The following BRIX1 variants were observed in gnomAD, a reference collection of about 807,000 sequenced individuals.
BRIX1 encodes biogenesis of ribosomes BRX1, also known as ribosome biogenesis protein BRX1 homolog.
BRIX1 carries 15 observed loss-of-function variants against 44.0 expected under a neutral mutation model. The ratio of observed to expected loss-of-function variants is 0.34; its 90% CI spans 0.23 to 0.53. The LOEUF is 0.53. BRIX1 is among the 20% of genes least tolerant of loss of function. The pLI is 0.95. For synonymous variants in BRIX1, 149 were observed against 135.4 expected (o/e 1.10, Z -0.70); for missense variants, 420 against 432.8 (o/e 0.97, Z 0.26).
chr5:34,920,779 C>A (rs1764221045), intron 3 of BRIX1: 1 of 151,656 alleles, frequency 6.6e-6, no homozygotes, highest in Admixed American at 6.6e-5. Flanking sequence ...AGAAGTGGCA[C>A]AAACTTCCTA....
At chr5:34,921,934 A>T in intron 3 of BRIX1, 1 of 164,418 alleles carries the variant, frequency 6.1e-6, no homozygotes. Context: ...AAAAGGAGGG[A>T]GGTTTCCAGT....
Position 34,925,023 on chromosome 5 carries a change from G to C in BRIX1, c.792+48G>C, listed in dbSNP as rs751418636. ...AGTCTTCAATGTACCAGAACCCTTT[G>C]GCCAAAATGATTCTGTGAAGTAATT... On this transcript the variant is annotated intron_variant, in intron 9 of 9. Transcript: ENST00000336767. The C allele has an allele frequency of 2.2e-5, 34 of 1,572,834 alleles. No homozygotes were observed. In the East Asian group the frequency reaches 7.2e-4, roughly 33 times the overall value.
Position 34,915,805 on chromosome 5 carries a change from G to A in BRIX1, c.67G>A (p.Glu23Lys), listed in dbSNP as rs1470289809. 1 of 1,586,574 alleles carries A rather than the reference G, an allele frequency of 6.3e-7. No homozygotes were observed. Among genetic ancestry groups the A allele is most frequent in the Non-Finnish European group, 8.6e-7 (1 of 1,166,632 alleles). ...AVQAKKPKRN[E>K]IDAEPPAKRH... The stretch of plus-strand genomic sequence containing the variant: ...TCAGGCGAAGAAGCCAAAAAGAAAC[G>A]AAATAGATGCGGAGCCGCCAGCTAA... The change falls in exon 1 of 10, where the codon GAA becomes AAA. Residue 23 changes from glutamate to lysine, a missense_variant. Physicochemically the swap from Glu to Lys is moderately conservative, Grantham distance 56. Transcript: ENST00000336767.
At chr5:34,923,709 T>C (rs1764291039) in intron 8 of BRIX1, among the ~76,000 whole-genome samples, 1 of 152,184 alleles carries the variant, frequency 6.6e-6, no homozygotes, top group Non-Finnish European at 1.5e-5. Flanking sequence ...GCCTGGTCAA[T>C]TTTTAGTTAA....
chr5:34,923,022 T>C lies in BRIX1; in HGVS notation c.532T>C (p.Tyr178His), dbSNP rs774998931. The part of the protein sequence containing the change: ...FDPAFDELPH[Y>H]ALLKELLIQI... ...ATAGGCTTTTGATGAATTACCACAT[T>C]ATGCTTTGTTAAAAGAACTCTTAAT... Residue 178 changes from tyrosine to histidine, a missense_variant, in exon 7 of 10, where the codon TAT becomes CAT. By Grantham distance (83) the Tyr-to-His change is moderately conservative. Coordinates refer to ENST00000336767, the MANE Select transcript of BRIX1 (RefSeq NM_018321.4). 9 of 1,540,496 alleles carry C rather than the reference T, an allele frequency of 5.8e-6. No homozygotes were observed. The highest frequency in any genetic ancestry group is 8.1e-6 in the Non-Finnish European group (9 of 1,114,280).
chr5:34,918,201 C>T, intron 1 of BRIX1, 163 bp from the exon 2 acceptor site: 1 of 443,916 alleles, frequency 2.3e-6, no homozygotes, highest in Non-Finnish European at 4.1e-6. Context: ...TCTCCAGCTA[C>T]TGTAGATGCT....
In BRIX1 at chr5:34,922,833, A is replaced by G. The variant is rs769910409; in HGVS notation, c.510+65A>G. 47 of 1,441,290 alleles carry G rather than the reference A, an allele frequency of 3.3e-5. No individual in the cohort carries two copies. In the African/African-American group the frequency reaches 5.9e-4, roughly 18 times the overall value. The allele number at this position is 1,441,290 out of a possible 1,614,324, so 89.3% of individuals were successfully genotyped here. A position where few individuals can be genotyped will look rare whatever the true frequency, so the allele number is the denominator to read the frequency against. ...TCTGGCATGGTTGTTTTTAGTAGAT[A>G]TAGTTGTGTTATTCAATTTAGTTTC... On this transcript the variant is annotated intron_variant, in intron 6 of 9. Transcript: ENST00000336767.
intron 1 of BRIX1, chr5:34,916,893 T>C (rs1764113167): frequency 6.6e-6 from 1 of 152,136 alleles, no homozygotes; most frequent in South Asian, 2.1e-4. Flanking sequence ...ATATTTACTT[T>C]TTATGAAAAA....
At chr5:34,919,813 T>G in intron 2 of BRIX1, 27 bp from the exon 3 acceptor site, 1 of 790,768 alleles carries the variant, frequency 1.3e-6, no homozygotes, top group Non-Finnish European at 2.0e-6. Flanking sequence ...TTAATTTACT[T>G]GCTTTTTCTT....
chr5:34,920,354 C>G (rs1421524599), intron 3 of BRIX1: 2 of 152,136 alleles, frequency 1.3e-5, no homozygotes, highest in Non-Finnish European at 2.9e-5. Context: ...AGATACTACA[C>G]TTAGGTATTT....
intron 1 of BRIX1, among the ~76,000 whole-genome samples, chr5:34,917,552 A>G (rs1764143580): frequency 6.6e-6 from 1 of 152,054 alleles, no homozygotes; most frequent in Non-Finnish European, 1.5e-5. Context: ...AGGCAGGAGA[A>G]TCGCTTGAAC....
intron 6 of BRIX1, 91 bp downstream of exon 6, chr5:34,922,859 A>AC: frequency 1.5e-6 from 2 of 1,336,996 alleles, no homozygotes; most frequent in African/African-American, 1.5e-5. Context: ...ATTTAGTTTC[A>AC]CCCCCACCTT....
chr5:34,925,514 T>C lies in BRIX1; in HGVS notation c.*19T>C, dbSNP rs753039316. On this transcript the variant is annotated 3_prime_UTR_variant, in exon 10 of 10. Coordinates refer to ENST00000336767, the MANE Select transcript of BRIX1 (RefSeq NM_018321.4). ...AAAATAAGTCAATGGAAACCTGATT[T>C]GTTTTTCAGTTACTTTATATTTATT... 3 of 1,592,798 alleles carry C rather than the reference T, an allele frequency of 1.9e-6. No individual in the cohort carries two copies. Among genetic ancestry groups the C allele is most frequent in the Non-Finnish European group, 1.7e-6 (2 of 1,170,434 alleles).
Position 34,917,686 on chromosome 5 carries a change from A to G in BRIX1, c.160-678A>G, listed in dbSNP as rs756172128. Among the ~76,000 whole-genome samples, 6 of 152,114 alleles carry G rather than the reference A, an allele frequency of 3.9e-5. No individual in the cohort carries two copies. In the South Asian group the frequency reaches 6.2e-4, roughly 16 times the overall value. ...AAACTGTTGAAAAAGCTAGTCAACCATATCTATTGGAGGTGCTCATGTCTG... is the reference window on the plus strand; with the variant it reads ...AAACTGTTGAAAAAGCTAGTCAACCGTATCTATTGGAGGTGCTCATGTCTG... On this transcript the variant is annotated intron_variant, in intron 1 of 9. Coordinates refer to ENST00000336767, the MANE Select transcript of BRIX1 (RefSeq NM_018321.4).
In BRIX1 at chr5:34,922,413, G is replaced by A. The variant is rs150560848; in HGVS notation, c.386+126G>A. 4.2e-4 allele frequency: 376 copies of A among 889,044 alleles called. 1 individual carries two copies. The highest frequency in any genetic ancestry group is 4.0e-3 in the African/African-American group (236 of 58,678). 55.1% of individuals were successfully genotyped at this position (889,044 alleles called of 1,614,324 possible). ...GAATGAAGCAAACTTTTGATTTCAC[G>A]AAACTTGATACCTTTAAAGAAAATT... On this transcript the variant is annotated intron_variant, in intron 4 of 9. Coordinates refer to ENST00000336767, the MANE Select transcript of BRIX1 (RefSeq NM_018321.4).
intron 1 of BRIX1, among the ~76,000 whole-genome samples, chr5:34,917,288 C>T (rs1580510810): frequency 6.6e-6 from 1 of 152,242 alleles, no homozygotes; most frequent in South Asian, 2.1e-4. Flanking sequence ...AAAGCTATGT[C>T]ATTTGAACTT....
chr5:34,918,414 A>G lies in BRIX1; in HGVS notation c.210A>G (p.Ile70Met). ...TTCTCATCTTTTCTTCCAGAGGAAT[A>G]AATTTTAGAACAAGACATTTAATGC... ...ERILIFSSRG[I>M]NFRTRHLMQD... Residue 70 changes from isoleucine (I) to methionine (M), a missense_variant, in exon 2 of 10, where the codon ATA (isoleucine) becomes ATG (methionine). Physicochemically the swap from Ile to Met is conservative, Grantham distance 10 (BLOSUM62 1). Coordinates refer to ENST00000336767, the MANE Select transcript of BRIX1 (RefSeq NM_018321.4). 3.1e-6 allele frequency: 5 copies of G among 1,608,158 alleles called. No homozygotes were observed. Among genetic ancestry groups the G allele is most frequent in the Non-Finnish European group, 4.3e-6 (5 of 1,175,584 alleles).
intron 4 of BRIX1, 73 bp downstream of exon 4, chr5:34,922,360 A>G (rs1580512874): frequency 9.8e-7 from 1 of 1,020,760 alleles, no homozygotes; most frequent in East Asian, 2.4e-5. Flanking sequence ...TATGTTATAG[A>G]CTCCTAGTGT....
chr5:34,919,936 T>C, intron 3 of BRIX1, 53 bp downstream of exon 3: 1 of 684,048 alleles, frequency 1.5e-6, no homozygotes. Flanking sequence ...TAACAGTGGC[T>C]TATTTCAAAA....
Sources: allele counts gnomAD v4.1 joint callset (sites outside exome capture counted in the v4.1 genomes callset), GRCh38; gene constraint gnomAD v4.1.1; transcripts MANE v1.5; gene names NCBI Gene and HGNC (gene_info 2026-07-23, HGNC 2026-07-21).